ABCB10: variants seen among roughly 807,000 people sequenced by gnomAD.
ABCB10 encodes the protein ATP-binding cassette sub-family B member 10, mitochondrial.
Under a neutral mutation model 65.4 loss-of-function variants are expected in ABCB10, and 54 were observed. The observed-to-expected ratio is 0.83, with a 90% CI of 0.66 to 1.04. The LOEUF (loss-of-function observed/expected upper bound fraction) is 1.04. Ranked by LOEUF, ABCB10 falls within the 50% of genes least tolerant of loss-of-function variation. The probability of loss-of-function intolerance (pLI) is 0.00; values close to 1 mark genes in which losing one functional copy is unlikely to be tolerated. For missense variants in ABCB10, 846 were observed against 976.6 expected (o/e 0.87, Z 1.78); for synonymous variants, 418 against 406.5 (o/e 1.03, Z -0.34).
At chr1:229,542,103 G>T in intron 4 of ABCB10, 134 bp downstream of exon 4, 13 of 1,173,666 alleles carry the variant, frequency 1.1e-5, no homozygotes, top group African/African-American at 1.5e-5. Context: ...CATGGATCTT[G>T]GGGTAATTTC....
intron 8 of ABCB10, among the ~76,000 whole-genome samples, chr1:229,529,250 C>T (rs1384143816): frequency 7.0e-5 from 8 of 114,656 alleles, no homozygotes; most frequent in Non-Finnish European, 3.3e-5. Context: ...GAGCTGAGAT[C>T]GTGCCACTGC....
intron 1 of ABCB10, among the ~76,000 whole-genome samples, chr1:229,554,545 G>A (rs1025888941): frequency 2.0e-5 from 3 of 152,050 alleles, no homozygotes; most frequent in East Asian, 1.9e-4. Context: ...AAAGGAATAC[G>A]TAAAATTAAT....
At chr1:229,531,947 G>GTTTTTT (rs34289048) in intron 6 of ABCB10, 15 of 132,764 alleles carry the variant, frequency 1.1e-4, no homozygotes, top group Non-Finnish European at 1.4e-4. Context: ...CAGTTTCATA[G>GTTTTTT]TTTTTTTTTT....
intron 3 of ABCB10, among the ~76,000 whole-genome samples, chr1:229,547,111 C>T (rs1443390956): frequency 6.6e-6 from 1 of 152,092 alleles, no homozygotes; most frequent in Non-Finnish European, 1.5e-5. Flanking sequence ...GAAGAGCTCT[C>T]CCCTTAAAAG....
At chr1:229,543,936 G>C (rs970557064) in intron 3 of ABCB10, among the ~76,000 whole-genome samples, 1 of 152,180 alleles carries the variant, frequency 6.6e-6, no homozygotes. Context: ...TCTGGGGCCT[G>C]AACACAACTG....
At chr1:229,524,024 CTTTTG>C (rs1206114268) in intron 10 of ABCB10, among the ~76,000 whole-genome samples, 1 of 151,792 alleles carries the variant, frequency 6.6e-6, no homozygotes, top group Non-Finnish European at 1.5e-5. Context: ...GCTTAAAACC[CTTTTG>C]TTTTATATTT....
chr1:229,551,284 C>T (rs1259780372), intron 1 of ABCB10, among the ~76,000 whole-genome samples: 2 of 152,174 alleles, frequency 1.3e-5, no homozygotes, highest in Admixed American at 6.5e-5. Flanking sequence ...ACTTAAAATA[C>T]AGACACCCTA....
At chr1:229,548,666 C>CTT (rs930788850) in intron 2 of ABCB10, among the ~76,000 whole-genome samples, 9 of 141,076 alleles carry the variant, frequency 6.4e-5, no homozygotes, top group African/African-American at 1.6e-4. Context: ...CTTTTTTTTT[C>CTT]TTTTTTTTTT....
At chr1:229,530,479 T>C (rs1662557350) in intron 7 of ABCB10, 71 bp from the exon 8 acceptor site, 5 of 1,522,396 alleles carry the variant, frequency 3.3e-6, no homozygotes, top group Non-Finnish European at 3.6e-6. Context: ...TCGGTTCTCC[T>C]ACTCATCTGG....
chr1:229,534,343 A>G (rs1264024504), intron 6 of ABCB10, among the ~76,000 whole-genome samples: 1 of 152,176 alleles, frequency 6.6e-6, no homozygotes, highest in African/African-American at 2.4e-5. Context: ...TGGGACACAC[A>G]TTTTGGAAGG....
chr1:229,533,153 T>A (rs115387081), intron 6 of ABCB10, among the ~76,000 whole-genome samples: 4,259 of 152,064 alleles, frequency 0.028, 188 homozygotes, highest in African/African-American at 0.093. Context: ...TATTATTATT[T>A]TTTTTTGAGA....
Position 229,518,371 on chromosome 1 carries a change from A to T in ABCB10, c.2025T>A (p.Ala675=). The T allele has an allele frequency of 6.2e-7, 1 of 1,614,176 alleles. No individual in the cohort carries two copies. Among genetic ancestry groups the T allele is most frequent in the African/African-American group, 1.3e-5 (1 of 75,046 alleles). ...TTCTTCCATCCATCAGTCGATCTAG[A>T]GCTTCTTGAACAAGGTACTCATTTT... ...DAENEYLVQE[A]LDRLMDGRTV... Residue 675 remains alanine, a synonymous_variant, in exon 13 of 13, where the codon GCT becomes GCA. Coordinates refer to ENST00000344517, the MANE Select transcript of ABCB10 (RefSeq NM_012089.3).
At chr1:229,536,154 GA>G (rs1662717899) in intron 6 of ABCB10, among the ~76,000 whole-genome samples, 1 of 151,916 alleles carries the variant, frequency 6.6e-6, no homozygotes, top group East Asian at 1.9e-4. Context: ...AAACTACTTT[GA>G]AAATGGTATT....
Position 229,554,275 on chromosome 1 carries a change from G to A in ABCB10, c.517+3861C>T, listed in dbSNP as rs147400843. 7.7e-4 allele frequency among the ~76,000 whole-genome samples: 118 copies of A among 152,320 alleles called. 2 individuals are homozygous for A. Among genetic ancestry groups the A allele is most frequent in the African/African-American group, 2.7e-3 (114 of 41,558 alleles). ...GCGGCTGACAGATGAGAAGGGAGTA[G>A]AGGAAGAAGCCAGGGACTCCAGGTT... On this transcript the variant is annotated intron_variant, in intron 1 of 12. Coordinates refer to ENST00000344517, the MANE Select transcript of ABCB10 (RefSeq NM_012089.3).
At chr1:229,550,132 T>C (rs1663073460) in intron 1 of ABCB10, 3 of 152,256 alleles carry the variant, frequency 2.0e-5, no homozygotes, top group African/African-American at 7.2e-5. Flanking sequence ...CTTAATATTG[T>C]ATTATTGCTT....
Position 229,518,377 on chromosome 1 carries a change from T to G in ABCB10, c.2019A>C (p.Gln673His), listed in dbSNP as rs1472398165. 1.2e-6 allele frequency: 2 copies of G among 1,614,102 alleles called. No homozygotes were observed. Among genetic ancestry groups the G allele is most frequent in the Admixed American group, 3.3e-5 (2 of 60,004 alleles). ...ALDAENEYLV[Q>H]EALDRLMDGR... ...CATCCATCAGTCGATCTAGAGCTTC[T>G]TGAACAAGGTACTCATTTTCGGCAT... Residue 673 changes from glutamine (Q) to histidine (H), a missense_variant, in exon 13 of 13, where the codon CAA becomes CAC. Transcript: ENST00000344517.
chr1:229,522,036 T>TTTG (rs1662327930), intron 10 of ABCB10, among the ~76,000 whole-genome samples: 1 of 151,302 alleles, frequency 6.6e-6, no homozygotes, highest in African/African-American at 2.4e-5. Context: ...CTGGCTAATT[T>TTTG]TTGGTAAAGA....
chr1:229,524,643 A>T (rs1469214842), intron 10 of ABCB10, among the ~76,000 whole-genome samples: 1 of 152,242 alleles, frequency 6.6e-6, no homozygotes, highest in Non-Finnish European at 1.5e-5. Context: ...CCAGAATGAT[A>T]GGTGTGGTCT....
chr1:229,553,311 T>C (rs1307804234), intron 1 of ABCB10, among the ~76,000 whole-genome samples: 1 of 152,060 alleles, frequency 6.6e-6, no homozygotes, highest in Non-Finnish European at 1.5e-5. Flanking sequence ...GGTTTCTCCA[T>C]GTTGGTCAGG....
Sources: gnomAD v4.1 joint callset for allele counts (sites outside exome capture counted in the v4.1 genomes callset) on GRCh38, gnomAD v4.1.1 for gene constraint, MANE v1.5 for transcripts, NCBI Gene and HGNC (gene_info 2026-07-23, HGNC 2026-07-21) for gene names.